Variants in IGF2BP2 observed in about 807,000 individuals in gnomAD.
The protein encoded by IGF2BP2 is insulin like growth factor 2 mRNA binding protein 2.
Under a neutral mutation model 75.8 loss-of-function variants are expected in IGF2BP2, and 17 were observed. The ratio of observed to expected loss-of-function variants is 0.22; its 90% CI spans 0.15 to 0.34. The LOEUF (loss-of-function observed/expected upper bound fraction) is 0.34, where lower values mean the gene tolerates loss of function less well. Ranked by LOEUF, IGF2BP2 falls within the 10% of genes least tolerant of loss-of-function variation. The pLI, the probability that IGF2BP2 is intolerant of heterozygous loss-of-function variation, is 1.00. For missense variants in IGF2BP2, 516 were observed against 772.4 expected (o/e 0.67, Z 3.93); for synonymous variants, 288 against 295.6 (o/e 0.97, Z 0.26).
chr3:185,782,099 ACCGTGACT>A (rs1355761385), intron 2 of IGF2BP2, among the ~76,000 whole-genome samples: 7 of 152,150 alleles, frequency 4.6e-5, no homozygotes, highest in Admixed American at 2.6e-4. Flanking sequence ...CTAAATTTAA[ACCGTGACT>A]CAGTAGAGTA....
At chr3:185,824,666 A>C in intron 1 of IGF2BP2, 117 bp downstream of exon 1, 1 of 646,740 alleles carries the variant, frequency 1.5e-6, no homozygotes, top group Non-Finnish European at 2.2e-6. Flanking sequence ...CGTGGAAGTG[A>C]GCGTGCGGGC....
intron 13 of IGF2BP2, 32 bp from the exon 14 acceptor site, chr3:185,649,566 A>C: frequency 6.2e-7 from 1 of 1,612,874 alleles, no homozygotes; most frequent in South Asian, 1.1e-5. Context: ...AATGACTCTC[A>C]GTCAGCCAGC....
intron 1 of IGF2BP2, among the ~76,000 whole-genome samples, chr3:185,823,427 G>A (rs1335471278): frequency 1.3e-5 from 2 of 152,314 alleles, no homozygotes; most frequent in Non-Finnish European, 2.9e-5. Flanking sequence ...GCGAGCCCGG[G>A]TCGGACCCCA....
chr3:185,674,952 C>T (rs892383445), intron 9 of IGF2BP2: 1 of 164,664 alleles, frequency 6.1e-6, no homozygotes, highest in African/African-American at 2.4e-5. Flanking sequence ...CTGCCTCAGC[C>T]TCTTGAGTAG....
At chr3:185,784,190 G>A (rs145096849) in intron 2 of IGF2BP2, among the ~76,000 whole-genome samples, 28 of 152,222 alleles carry the variant, frequency 1.8e-4, no homozygotes, top group South Asian at 8.3e-4. Flanking sequence ...AGCTGAGATC[G>A]CACCACTCCA....
intron 2 of IGF2BP2, among the ~76,000 whole-genome samples, chr3:185,705,732 C>T (rs2149392022): frequency 6.6e-6 from 1 of 152,244 alleles, no homozygotes; most frequent in East Asian, 1.9e-4. Flanking sequence ...GGGTCTGTTC[C>T]TCATAGAAGG....
intron 2 of IGF2BP2, among the ~76,000 whole-genome samples, chr3:185,812,729 T>C (rs1740068629): frequency 6.6e-6 from 1 of 152,224 alleles, no homozygotes; most frequent in Non-Finnish European, 1.5e-5. Flanking sequence ...AATGCAGTTG[T>C]CTTCGTATTG....
intron 2 of IGF2BP2, among the ~76,000 whole-genome samples, chr3:185,804,375 T>C (rs796917293): frequency 3.8e-4 from 58 of 151,260 alleles, no homozygotes; most frequent in African/African-American, 1.3e-3. Context: ...GAGGTTGCAG[T>C]GAGCTGAGAT....
chr3:185,822,119 T>A (rs1285077133), intron 2 of IGF2BP2, among the ~76,000 whole-genome samples: 1 of 152,230 alleles, frequency 6.6e-6, no homozygotes, highest in African/African-American at 2.4e-5. Context: ...GCACACAATT[T>A]TTAAAAATCC....
intron 7 of IGF2BP2, among the ~76,000 whole-genome samples, chr3:185,677,285 A>G (rs1419075066): frequency 2.6e-5 from 4 of 151,878 alleles, no homozygotes; most frequent in African/African-American, 7.3e-5. Context: ...GGTGCCAGAA[A>G]AACTGGTTTT....
chr3:185,717,274 GCATGTATTT>G (rs1725791507), intron 2 of IGF2BP2: 2 of 170,582 alleles, frequency 1.2e-5, no homozygotes, highest in South Asian at 3.0e-4. Context: ...CGTGACTCTG[GCATGTATTT>G]CACTTCTCTG....
Position 185,720,886 on chromosome 3 carries a change from T to C in IGF2BP2, c.240-22539A>G, listed in dbSNP as rs1726424863. Among the ~76,000 whole-genome samples the C allele has an allele frequency of 3.9e-5, 6 of 152,298 alleles. No homozygotes were observed. In the South Asian group the frequency reaches 1.2e-3, roughly 32 times the overall value. ...AGACAGTAACTGCTGTGTGAGAAGGTAGTCGAAAACAGTCAACTCCATTAC... is the reference window on the plus strand; with the variant it reads ...AGACAGTAACTGCTGTGTGAGAAGGCAGTCGAAAACAGTCAACTCCATTAC... On this transcript the variant is annotated intron_variant, in intron 2 of 15. Coordinates refer to ENST00000382199, the MANE Select transcript of IGF2BP2 (RefSeq NM_006548.6).
intron 2 of IGF2BP2, among the ~76,000 whole-genome samples, chr3:185,764,946 G>A (rs1229106925): frequency 6.6e-6 from 1 of 152,148 alleles, no homozygotes; most frequent in Non-Finnish European, 1.5e-5. Flanking sequence ...CTACCCCCAC[G>A]AGGTGTTTAT....
chr3:185,780,828 C>T (rs187410865), intron 2 of IGF2BP2, among the ~76,000 whole-genome samples: 36 of 152,246 alleles, frequency 2.4e-4, no homozygotes, highest in Non-Finnish European at 4.1e-4. Flanking sequence ...CCGAAGAAAC[C>T]AGCTCAGAAA....
chr3:185,785,160 G>C (rs963689165), intron 2 of IGF2BP2, among the ~76,000 whole-genome samples: 5 of 151,934 alleles, frequency 3.3e-5, no homozygotes, highest in African/African-American at 1.2e-4. Context: ...AATTAGCTGG[G>C]TATGGTGACG....
intron 2 of IGF2BP2, among the ~76,000 whole-genome samples, chr3:185,738,810 A>T (rs1163062134): frequency 6.6e-6 from 1 of 152,232 alleles, no homozygotes; most frequent in Non-Finnish European, 1.5e-5. Context: ...AGTATTAAAC[A>T]ATAATTTTGC....
intron 2 of IGF2BP2, among the ~76,000 whole-genome samples, chr3:185,813,799 G>A (rs1451201291): frequency 2.6e-5 from 4 of 152,086 alleles, no homozygotes; most frequent in Non-Finnish European, 2.9e-5. Flanking sequence ...CCCAACCCTC[G>A]GCCAACCAGG....
chr3:185,767,727 A>T (rs1733283485), intron 2 of IGF2BP2: 1 of 154,154 alleles, frequency 6.5e-6, no homozygotes, highest in African/African-American at 2.4e-5. Flanking sequence ...ACAATTCTGG[A>T]ATATGTTGGG....
Position 185,672,566 on chromosome 3 carries a change from G to T in IGF2BP2, c.1175C>A (p.Pro392His). 6 of 1,613,408 alleles carry T rather than the reference G, an allele frequency of 3.7e-6. No individual in the cohort carries two copies. Among genetic ancestry groups the T allele is most frequent in the Non-Finnish European group, 5.1e-6 (6 of 1,179,712 alleles). The stretch of plus-strand genomic sequence containing the variant: ...AGTGAAGGGGTGGTAGGGGGCAGCG[G>T]GGGGAGCTCCGCGGGGCCCTGCTGG... ...SPPAGPRGAP[P>H]AAPYHPFTTH... Residue 392 changes from proline to histidine, a missense_variant, in exon 10 of 16, where the codon CCC becomes CAC. By Grantham distance (77) the Pro-to-His change is moderately conservative. This residue lies in a region of IGF2BP2 where 75 missense variants were observed against 67.4 expected (regional missense o/e 1.11). Transcript: ENST00000382199.
Sources: gnomAD v4.1 joint callset for allele counts (sites outside exome capture counted in the v4.1 genomes callset) on GRCh38, gnomAD v4.1.1 for gene constraint, gnomAD v4.1.1 regional missense constraint, MANE v1.5 for transcripts, NCBI Gene and HGNC (gene_info 2026-07-23, HGNC 2026-07-21) for gene names.